Variants in BCAS4 observed in about 807,000 individuals in gnomAD.
BCAS4 encodes the protein breast carcinoma-amplified sequence 4.
Under a neutral mutation model 15.7 loss-of-function variants are expected in BCAS4, and 9 were observed. The observed-to-expected ratio is 0.57, with a 90% CI of 0.34 to 1.00. The LOEUF (loss-of-function observed/expected upper bound fraction) is 1.00. Among genes scored for constraint, BCAS4 ranks in the 50% least tolerant of loss-of-function variants. BCAS4 has a pLI of 0.02. For synonymous variants in BCAS4, 101 were observed against 99.5 expected (o/e 1.02, Z -0.09); for missense variants, 225 against 239.1 (o/e 0.94, Z 0.39).
intron 4 of BCAS4, among the ~76,000 whole-genome samples, chr20:50,850,632 C>T (rs115456014): frequency 6.6e-6 from 1 of 152,058 alleles, no homozygotes; most frequent in Non-Finnish European, 1.5e-5. Context: ...GGGGGTTGCT[C>T]TTTGTTGAGG....
chr20:50,847,975 G>C (rs1004208591), intron 4 of BCAS4, among the ~76,000 whole-genome samples: 30 of 152,120 alleles, frequency 2.0e-4, no homozygotes, highest in African/African-American at 6.8e-4. Flanking sequence ...GGAGGTCAAG[G>C]CTGCAGTGAG....
In BCAS4 at chr20:50,861,341, G is replaced by A. The variant is rs79840923; in HGVS notation, c.400-15145G>A. Among the ~76,000 whole-genome samples the A allele has an allele frequency of 1.0e-3, 153 of 152,282 alleles. 3 individuals carry two copies. In the East Asian group the frequency reaches 0.027, roughly 27 times the overall value. ...AGGCTCGGGATCTCATTCCCTTATCGTTTCTCTCTTTGCAGCTGTGGAGGG... is the reference window on the plus strand; with the variant it reads ...AGGCTCGGGATCTCATTCCCTTATCATTTCTCTCTTTGCAGCTGTGGAGGG... On this transcript the variant is annotated intron_variant, in intron 4 of 4. Coordinates refer to ENST00000371608, the MANE Select transcript of BCAS4 (RefSeq NM_198799.4).
chr20:50,874,333 T>C (rs1378691357), intron 4 of BCAS4, among the ~76,000 whole-genome samples: 1 of 152,146 alleles, frequency 6.6e-6, no homozygotes, highest in African/African-American at 2.4e-5. Flanking sequence ...ACACCGGCCC[T>C]TGGTACCTCT....
intron 4 of BCAS4, among the ~76,000 whole-genome samples, chr20:50,863,609 C>T (rs567180944): frequency 1.6e-4 from 25 of 152,230 alleles, no homozygotes; most frequent in East Asian, 1.3e-3. Context: ...CCTTCCAGGC[C>T]GGCCAACAAA....
chr20:50,851,352 C>T lies in BCAS4; in HGVS notation c.399+9452C>T, dbSNP rs1978409355. 6.6e-6 allele frequency among the ~76,000 whole-genome samples: 1 copy of T among 152,120 alleles called. No individual in the cohort carries two copies. The highest frequency in any genetic ancestry group is 2.4e-5 in the African/African-American group (1 of 41,414). On this transcript the variant is annotated intron_variant, in intron 4 of 4. Transcript: ENST00000371608. This position sits in a 1 kb window ranked among gnomAD's most constrained non-coding sequence, Gnocchi z 4.3. The stretch of plus-strand genomic sequence containing the variant: ...GTGCCGGGTCCCAGCCCCCACCTAC[C>T]AGCCCCCTCCCCACGGCTCCCAGGG...
chr20:50,848,844 C>T (rs182286436), intron 4 of BCAS4, among the ~76,000 whole-genome samples: 17 of 152,274 alleles, frequency 1.1e-4, no homozygotes, highest in African/African-American at 3.4e-4. Context: ...GGCCCTTGTC[C>T]GGTCAGAGGA....
chr20:50,840,950 C>T, intron 3 of BCAS4: 1 of 529,202 alleles, frequency 1.9e-6, no homozygotes, highest in Non-Finnish European at 3.4e-6. Flanking sequence ...CTGTCTCAGC[C>T]TCCCGAGTAG....
chr20:50,812,430 G>A (rs957521988), intron 1 of BCAS4, among the ~76,000 whole-genome samples: 1 of 136,242 alleles, frequency 7.3e-6, no homozygotes, highest in African/African-American at 2.8e-5. Context: ...TACTGCGTCT[G>A]GCCTTTTTTT....
rs546572057 is a variant in BCAS4, at chr20:50,841,795, C to T, written c.294C>T (p.Val98=). 8.6e-5 allele frequency: 139 copies of T among 1,613,990 alleles called. 1 individual carries two copies. In the East Asian group the frequency reaches 2.8e-3, roughly 33 times the overall value. The change falls in exon 4 of 5, where the codon GTC becomes GTT. Residue 98 remains valine, a synonymous_variant. Coordinates refer to ENST00000371608, the MANE Select transcript of BCAS4 (RefSeq NM_198799.4). ...TCGTCAAGATGGTTGGACACCACGTCGCCTTCCTGGAAGCAGACGTGCTTC... is the reference window on the plus strand; with the variant it reads ...TCGTCAAGATGGTTGGACACCACGTTGCCTTCCTGGAAGCAGACGTGCTTC... ...EAFVKMVGHH[V]AFLEADVLQA... is the part of the protein sequence containing the mutation.
At chr20:50,806,946 A>G (rs1054538532) in intron 1 of BCAS4, among the ~76,000 whole-genome samples, 2 of 135,538 alleles carry the variant, frequency 1.5e-5, no homozygotes, top group African/African-American at 5.7e-5. Flanking sequence ...ATCTTGGGTC[A>G]CTGCAACCTC....
chr20:50,863,905 A>G lies in BCAS4; in HGVS notation c.400-12581A>G, dbSNP rs1421142164. Among the ~76,000 whole-genome samples, 2 of 150,536 alleles carry G rather than the reference A, an allele frequency of 1.3e-5. 1 individual carries two copies. The highest frequency in any genetic ancestry group is 2.9e-5 in the Non-Finnish European group (2 of 67,830). ...CTTCCATTTGCTGCTCTGTCCTGCA[A>G]GTGGGTCAATCCCAGCTCCAGCCAA... On this transcript the variant is annotated intron_variant, in intron 4 of 4. Transcript: ENST00000371608.
chr20:50,881,670 T>A (rs569982874), downstream of BCAS4: 1 of 152,276 alleles, frequency 6.6e-6, no homozygotes, highest in African/African-American at 2.4e-5. Context: ...TTGAATTTTT[T>A]TTTTTTTTTG....
chr20:50,826,930 T>C (rs1433846316), intron 2 of BCAS4, among the ~76,000 whole-genome samples: 1 of 151,946 alleles, frequency 6.6e-6, no homozygotes, highest in Non-Finnish European at 1.5e-5. Context: ...ATCACACCAC[T>C]GCACTCCAGC....
intron 1 of BCAS4, among the ~76,000 whole-genome samples, chr20:50,797,219 T>C (rs1249426533): frequency 6.6e-6 from 1 of 152,190 alleles, no homozygotes; most frequent in East Asian, 1.9e-4. Context: ...CAAAATAGCA[T>C]GGAAAAATGT....
intron 3 of BCAS4, among the ~76,000 whole-genome samples, chr20:50,833,839 A>G (rs1467447262): frequency 6.6e-6 from 1 of 152,110 alleles, no homozygotes; most frequent in Non-Finnish European, 1.5e-5. Flanking sequence ...AGCATTAGAC[A>G]GGGAAGCAGG....
chr20:50,831,500 C>T (rs761619861), intron 3 of BCAS4, among the ~76,000 whole-genome samples: 1 of 152,160 alleles, frequency 6.6e-6, no homozygotes, highest in South Asian at 2.1e-4. Flanking sequence ...CCCACCATGC[C>T]CTGTTGCCTT....
intron 1 of BCAS4, among the ~76,000 whole-genome samples, chr20:50,804,449 T>C (rs903029332): frequency 1.3e-5 from 2 of 152,268 alleles, no homozygotes; most frequent in African/African-American, 4.8e-5. Context: ...AATGACACTT[T>C]AGGTAACCAT....
chr20:50,806,979 C>T (rs1023364751), intron 1 of BCAS4, among the ~76,000 whole-genome samples: 8 of 136,104 alleles, frequency 5.9e-5, no homozygotes, highest in African/African-American at 1.9e-4. Context: ...TCAAATAATT[C>T]TTGTGTCTCA....
chr20:50,849,622 T>A (rs775998175), intron 4 of BCAS4, among the ~76,000 whole-genome samples: 2 of 152,180 alleles, frequency 1.3e-5, no homozygotes, highest in Admixed American at 6.5e-5. Context: ...GTGGGGACTG[T>A]GGCGAATTGC....
Sources: gnomAD v4.1 joint callset for allele counts (sites outside exome capture counted in the v4.1 genomes callset) on GRCh38, gnomAD v4.1.1 for gene constraint, Gnocchi (gnomAD v3.1) non-coding constraint, MANE v1.5 for transcripts, NCBI Gene and HGNC (gene_info 2026-07-23, HGNC 2026-07-21) for gene names.